Variants in TLL1 observed in about 807,000 individuals in gnomAD.
TLL1 encodes tolloid like 1, also known as tolloid-like protein 1.
Under a neutral mutation model 128.2 loss-of-function variants are expected in TLL1, and 49 were observed. That is an observed-to-expected ratio of 0.38 (90% confidence interval 0.30 to 0.48). The LOEUF is 0.48. Ranked by LOEUF, TLL1 falls within the 20% of genes least tolerant of loss-of-function variation. The probability of loss-of-function intolerance (pLI) is 0.96; values close to 1 mark genes in which losing one functional copy is unlikely to be tolerated. For synonymous variants in TLL1, 454 were observed against 418.8 expected (o/e 1.08, Z -1.03); for missense variants, 1,123 against 1,242.0 (o/e 0.90, Z 1.44).
chr4:165,999,525 C>A (rs1287014081), intron 5 of TLL1, among the ~76,000 whole-genome samples: 2 of 152,116 alleles, frequency 1.3e-5, no homozygotes, highest in Non-Finnish European at 2.9e-5. Context: ...CCCCCTGATC[C>A]AATCACTTCC....
intron 1 of TLL1, among the ~76,000 whole-genome samples, chr4:165,973,569 A>G (rs574767842): frequency 6.6e-6 from 1 of 151,970 alleles, no homozygotes; most frequent in Admixed American, 6.6e-5. Flanking sequence ...GTGGCTGGAA[A>G]GGGGAGGTAA....
rs573734035 is a variant in TLL1, at chr4:166,014,646, T to C, written c.1042+86T>C. 5.0e-6 allele frequency: 8 copies of C among 1,585,618 alleles called. No homozygotes were observed. The South Asian group carries it at 8.9e-5, about 18-fold the overall frequency. The stretch of plus-strand genomic sequence containing the variant: ...AAGCCATGATTTACTCAACTGTTTG[T>C]TTGTCTCCCTCCCTGTTGGCAAGTG... On this transcript the variant is annotated intron_variant, in intron 8 of 20. Coordinates refer to ENST00000061240, the MANE Select transcript of TLL1 (RefSeq NM_012464.5).
At chr4:165,999,571 T>G (rs753758202) in intron 5 of TLL1, among the ~76,000 whole-genome samples, 4 of 151,970 alleles carry the variant, frequency 2.6e-5, no homozygotes, top group Non-Finnish European at 5.9e-5. Context: ...GGGATTACAA[T>G]TTGAGATGAG....
At chr4:165,966,518 G>A (rs73863510) in intron 1 of TLL1, among the ~76,000 whole-genome samples, 1,650 of 152,170 alleles carry the variant, frequency 0.011, 36 homozygotes, top group African/African-American at 0.033. Flanking sequence ...AAGATGTATC[G>A]GGGGAACCAG....
intron 7 of TLL1, among the ~76,000 whole-genome samples, chr4:166,012,522 GT>G (rs1737743101): frequency 6.6e-6 from 1 of 151,448 alleles, no homozygotes; most frequent in Admixed American, 6.6e-5. Flanking sequence ...CCACAAATTT[GT>G]TTTTAGAAAT....
At chr4:166,096,146 A>G (rs1013810427) in intron 19 of TLL1, among the ~76,000 whole-genome samples, 10 of 151,104 alleles carry the variant, frequency 6.6e-5, no homozygotes, top group African/African-American at 2.0e-4. Flanking sequence ...CCTCTTTTGC[A>G]TATAGCATTC....
chr4:165,897,264 C>A (rs1392803612), intron 1 of TLL1, among the ~76,000 whole-genome samples: 1 of 152,108 alleles, frequency 6.6e-6, no homozygotes, highest in Admixed American at 6.5e-5. Flanking sequence ...GCTTTTGTTG[C>A]CATTGCTTTT....
intron 1 of TLL1, among the ~76,000 whole-genome samples, chr4:165,978,112 C>G (rs1233121753): frequency 1.3e-5 from 2 of 152,030 alleles, no homozygotes; most frequent in South Asian, 2.1e-4. Flanking sequence ...TATTTAGAAG[C>G]CTTATTGCTT....
chr4:165,981,666 A>G (rs1736152810), intron 1 of TLL1, among the ~76,000 whole-genome samples: 1 of 152,006 alleles, frequency 6.6e-6, no homozygotes, highest in Admixed American at 6.6e-5. Flanking sequence ...TTCCTTTATT[A>G]TCTCAAACAA....
intron 1 of TLL1, among the ~76,000 whole-genome samples, chr4:165,965,808 T>G (rs1320969704): frequency 6.6e-6 from 1 of 152,190 alleles, no homozygotes; most frequent in Non-Finnish European, 1.5e-5. Flanking sequence ...TGATGTGGAA[T>G]GCTCACTTAC....
chr4:166,064,505 T>G (rs1740484291), intron 15 of TLL1, among the ~76,000 whole-genome samples: 1 of 152,106 alleles, frequency 6.6e-6, no homozygotes. Context: ...GTTAACATAT[T>G]CTTGTGTTCT....
Position 166,035,191 on chromosome 4 carries a change from T to A in TLL1, c.1159-4148T>A, listed in dbSNP as rs1738945828. 2.0e-5 allele frequency among the ~76,000 whole-genome samples: 3 copies of A among 152,212 alleles called. No individual in the cohort carries two copies. The South Asian group carries it at 6.2e-4, about 32-fold the overall frequency. ...GATTCATCAAAATTTCAAAGTCAGA[T>A]GTTATCACATAGGTTTAAGCAGAAA... On this transcript the variant is annotated intron_variant, in intron 9 of 20. Transcript: ENST00000061240.
intron 8 of TLL1, among the ~76,000 whole-genome samples, chr4:166,018,349 A>G (rs1738050895): frequency 6.6e-6 from 1 of 152,180 alleles, no homozygotes. Flanking sequence ...AACTATAAGA[A>G]GCCTTAAATA....
At chr4:165,923,080 G>T (rs936392686) in intron 1 of TLL1, among the ~76,000 whole-genome samples, 7 of 152,110 alleles carry the variant, frequency 4.6e-5, no homozygotes, top group Non-Finnish European at 1.0e-4. Context: ...AGTTTGGCTT[G>T]GCATTGAAAT....
chr4:166,044,411 C>T (rs1184277104), intron 12 of TLL1: 1 of 1,535,552 alleles, frequency 6.5e-7, no homozygotes, highest in Middle Eastern at 1.7e-4. Context: ...GCCAGAGAAT[C>T]TCTCATCCTC....
intron 1 of TLL1, among the ~76,000 whole-genome samples, chr4:165,951,057 G>A (rs1478707581): frequency 1.3e-5 from 2 of 151,932 alleles, no homozygotes; most frequent in African/African-American, 2.4e-5. Context: ...CAAATACCAG[G>A]AATGAAAAGA....
chr4:165,975,497 T>C (rs777046367), intron 1 of TLL1, among the ~76,000 whole-genome samples: 3 of 152,166 alleles, frequency 2.0e-5, no homozygotes, highest in East Asian at 1.9e-4. Context: ...TTCTAACTTA[T>C]ACAAATTGTC....
chr4:166,024,949 G>T (rs1054133334), intron 8 of TLL1, among the ~76,000 whole-genome samples: 13 of 152,202 alleles, frequency 8.5e-5, no homozygotes, highest in African/African-American at 3.1e-4. Flanking sequence ...TTAGTGAAAT[G>T]TTTCACGTGG....
chr4:165,971,098 T>C (rs942755256), intron 1 of TLL1, among the ~76,000 whole-genome samples: 1 of 152,200 alleles, frequency 6.6e-6, no homozygotes, highest in Non-Finnish European at 1.5e-5. Flanking sequence ...ATGTAAATAA[T>C]TAAATAAATT....
Sources: allele counts gnomAD v4.1 joint callset (sites outside exome capture counted in the v4.1 genomes callset), GRCh38; gene constraint gnomAD v4.1.1; transcripts MANE v1.5; gene names NCBI Gene and HGNC (gene_info 2026-07-23, HGNC 2026-07-21).